The following FZR1 variants were observed in gnomAD, a reference collection of about 807,000 sequenced individuals.
FZR1 encodes the protein fizzy and cell division cycle 20 related 1, also known as fizzy-related protein homolog.
A neutral mutation model predicts 63.6 loss-of-function variants in FZR1; 11 were observed. The observed-to-expected ratio is 0.17, with a 90% CI of 0.11 to 0.29. FZR1 has a LOEUF of 0.29. FZR1 is among the 10% of genes least tolerant of loss of function. The pLI is 1.00. For missense variants in FZR1, 440 were observed against 687.5 expected, an observed-to-expected ratio of 0.64 and a Z score of 4.03; for synonymous variants, 328 against 297.9, an observed-to-expected ratio of 1.10 and a Z score of -1.04.
chr19:3,521,084 C>T (rs1365125453), intron 1 of FZR1, among the ~76,000 whole-genome samples: 1 of 152,168 alleles, frequency 6.6e-6, no homozygotes, highest in Non-Finnish European at 1.5e-5. Context: ...TGTGGAGGGC[C>T]GCGCTGGTTC....
intron 1 of FZR1, among the ~76,000 whole-genome samples, chr19:3,512,131 G>A (rs1233675086): frequency 6.6e-6 from 1 of 152,222 alleles, no homozygotes; most frequent in African/African-American, 2.4e-5. Flanking sequence ...TGGACAGGAG[G>A]TCACTGGGGC....
intron 7 of FZR1, among the ~76,000 whole-genome samples, chr19:3,528,234 G>T (rs981676051): frequency 6.6e-6 from 1 of 152,266 alleles, no homozygotes; most frequent in African/African-American, 2.4e-5. Context: ...GCCTCTGGGC[G>T]CATGGAGCCT....
intron 1 of FZR1, among the ~76,000 whole-genome samples, chr19:3,512,072 C>T (rs930198341): frequency 7.2e-5 from 11 of 152,350 alleles, no homozygotes; most frequent in African/African-American, 1.9e-4. Flanking sequence ...CCTCCCTCCT[C>T]TCTGAGACTG....
intron 1 of FZR1, among the ~76,000 whole-genome samples, chr19:3,513,749 C>T (rs2083039414): frequency 6.6e-6 from 1 of 152,134 alleles, no homozygotes; most frequent in South Asian, 2.1e-4. Context: ...GCTCCACGTC[C>T]CCTGTGGGTA....
intron 6 of FZR1, 82 bp from the exon 7 acceptor site, chr19:3,527,549 A>G: frequency 9.0e-7 from 1 of 1,110,928 alleles, no homozygotes; most frequent in Non-Finnish European, 1.3e-6. Flanking sequence ...TGGGGCTGGC[A>G]GGGAAGGAGA....
At position 3,536,331 on chromosome 19, in the gene FZR1, A is replaced by C. The variant is rs1465824538; in HGVS notation, c.*1495A>C. 6.6e-6 allele frequency: 1 copy of C among 151,978 alleles called. No individual in the cohort carries two copies. Among genetic ancestry groups the C allele is most frequent in the East Asian group, 1.9e-4 (1 of 5,156 alleles). 9.4% of individuals were successfully genotyped at this position (151,978 alleles called of 1,614,324 possible). On this transcript the variant is annotated 3_prime_UTR_variant, in exon 14 of 14. Coordinates refer to ENST00000441788, the MANE Select transcript of FZR1 (RefSeq NM_016263.4). ...CATTTCAAGCGGGTCGATCTTCCACATTCACTGGAGAGACTCTCCCCACCT... is the reference window on the plus strand; with the variant it reads ...CATTTCAAGCGGGTCGATCTTCCACCTTCACTGGAGAGACTCTCCCCACCT...
intron 1 of FZR1, among the ~76,000 whole-genome samples, chr19:3,512,685 A>T (rs2083032150): frequency 6.6e-6 from 1 of 152,124 alleles, no homozygotes; most frequent in African/African-American, 2.4e-5. Context: ...TGGGGGGCTC[A>T]CGTGCTCTGA....
Position 3,533,556 on chromosome 19 carries a change from G to A in FZR1, c.1347+158G>A. ...GGGGCCGGCAGGGCATCTGGTGCTG[G>A]TTGTGTTGCCAGCGTTGGAATGGGC... is the stretch of plus-strand genomic sequence containing the variant. On this transcript the variant is annotated intron_variant, in intron 12 of 13. Coordinates refer to ENST00000441788, the MANE Select transcript of FZR1 (RefSeq NM_016263.4). This position sits in a 1 kb window ranked among gnomAD's most constrained non-coding sequence, Gnocchi z 4.9. The A allele has an allele frequency of 1.7e-6, 1 of 603,822 alleles. No individual in the cohort carries two copies. The highest frequency in any genetic ancestry group is 3.0e-6 in the Non-Finnish European group (1 of 334,420). 37.4% of individuals were successfully genotyped at this position (603,822 alleles called of 1,614,324 possible). A position where few individuals can be genotyped will look rare whatever the true frequency, so the allele number is the denominator to read the frequency against.
intron 1 of FZR1, among the ~76,000 whole-genome samples, chr19:3,507,804 C>T (rs776111731): frequency 1.3e-5 from 2 of 152,208 alleles, no homozygotes; most frequent in Non-Finnish European, 2.9e-5. Flanking sequence ...ATGCGGAATT[C>T]CGCGTGGGCC....
rs2083168047 is a variant in FZR1, at chr19:3,527,121, G to A, written c.470+59G>A. 3.7e-6 allele frequency: 5 copies of A among 1,361,246 alleles called. No individual in the cohort carries two copies. The South Asian group carries it at 4.6e-5, about 13-fold the overall frequency. 84.3% of individuals were successfully genotyped at this position (1,361,246 alleles called of 1,614,324 possible). A position where few individuals can be genotyped will look rare whatever the true frequency, so the allele number is the denominator to read the frequency against. On this transcript the variant is annotated intron_variant, in intron 6 of 13. Transcript: ENST00000441788. ...TCCCTGTCTCCCGTCAGCAGCAAGA[G>A]GTGGGTCCCAGCTTCCTCCGCAGCC...
intron 1 of FZR1, among the ~76,000 whole-genome samples, chr19:3,513,454 G>A (rs2083037690): frequency 6.6e-6 from 1 of 152,218 alleles, no homozygotes; most frequent in African/African-American, 2.4e-5. Context: ...ACCCAGACTG[G>A]CTGGATTCAC....
intron 11 of FZR1, 122 bp downstream of exon 11, chr19:3,532,772 C>A: frequency 2.8e-6 from 2 of 712,252 alleles, no homozygotes; most frequent in South Asian, 1.6e-5. Context: ...GGGAGATGGG[C>A]GAGGGAGGCC....
In FZR1 at chr19:3,531,847, C is replaced by T. The variant is rs376840969; in HGVS notation, c.823+31C>T. 6.3e-4 allele frequency: 971 copies of T among 1,549,428 alleles called. 3 individuals are homozygous for T. Among genetic ancestry groups the T allele is most frequent in the African/African-American group, 5.9e-3 (431 of 73,264 alleles). On this transcript the variant is annotated intron_variant, in intron 9 of 13. Transcript: ENST00000441788. ...GAGCCCGGGTCCCATGGCTGGTGAG[C>T]TCCCTGAGGCCCCAGCTCCGCGAGG...
chr19:3,535,932 C>A lies in FZR1; in HGVS notation c.*1096C>A, dbSNP rs116845259. 833 of 152,528 alleles carry A rather than the reference C, an allele frequency of 5.5e-3. 7 individuals are homozygous for A. The highest frequency in any genetic ancestry group is 6.9e-3 in the Non-Finnish European group (471 of 68,168). 9.4% of individuals were successfully genotyped at this position (152,528 alleles called of 1,614,324 possible). A position where few individuals can be genotyped will look rare whatever the true frequency, so the allele number is the denominator to read the frequency against. On this transcript the variant is annotated 3_prime_UTR_variant, in exon 14 of 14. Transcript: ENST00000441788. ...TGCTTCTCTGTCTCATGCTCCCAGG[C>A]TGCACAGCAGGCAGGGAGGGAGGCA...
chr19:3,534,376 C>A (rs750071174), intron 12 of FZR1, 45 bp from the exon 13 acceptor site: 4 of 1,092,946 alleles, frequency 3.7e-6, no homozygotes, highest in South Asian at 2.6e-5. Context: ...TGTCCCGAGG[C>A]ACCTAGAGGC....
chr19:3,533,824 GAAA>G lies in FZR1; in HGVS notation c.1347+429_1347+431del, dbSNP rs763917615. Reference sequence around the variant, plus strand: ...CTTGCCAAGATTTTGTTTCTTCCCTGAAAAACATGTTCTGTGCTTTCATCCGCG... The same window carrying G: ...CTTGCCAAGATTTTGTTTCTTCCCTGAACATGTTCTGTGCTTTCATCCGCG... On this transcript the variant is annotated intron_variant, in intron 12 of 13. Transcript: ENST00000441788. This position sits in a 1 kb window ranked among gnomAD's most constrained non-coding sequence, Gnocchi z 4.9. 1.6e-5 allele frequency: 3 copies of G among 184,418 alleles called. No individual in the cohort carries two copies. Among genetic ancestry groups the G allele is most frequent in the Admixed American group, 5.8e-5 (1 of 17,158 alleles). 11.4% of individuals were successfully genotyped at this position (184,418 alleles called of 1,614,324 possible).
chr19:3,536,184 T>C lies in FZR1; in HGVS notation c.*1348T>C, dbSNP rs2029958336. The C allele has an allele frequency of 6.6e-6, 1 of 152,312 alleles. No individual in the cohort carries two copies. The highest frequency in any genetic ancestry group is 2.4e-5 in the African/African-American group (1 of 41,458). The allele number at this position is 152,312 out of a possible 1,614,324, so 9.4% of individuals were successfully genotyped here. A position where few individuals can be genotyped will look rare whatever the true frequency, so the allele number is the denominator to read the frequency against. ...GCATGTGTACATATGTATTTGTGAC[T>C]TTTCTTTGGATTTGTTTTGTGTTTT... is the stretch of plus-strand genomic sequence containing the variant. On this transcript the variant is annotated 3_prime_UTR_variant, in exon 14 of 14. Coordinates refer to ENST00000441788, the MANE Select transcript of FZR1 (RefSeq NM_016263.4).
At chr19:3,531,074 G>T (rs1409767248) in intron 8 of FZR1, among the ~76,000 whole-genome samples, 2 of 152,134 alleles carry the variant, frequency 1.3e-5, no homozygotes, top group African/African-American at 2.4e-5. Flanking sequence ...AAGGATGGCA[G>T]GTCCAGTGGG....
At chr19:3,534,563 A>AGGGTCGTCCCTGTCCCC (rs1399822178) in intron 13 of FZR1, 50 bp downstream of exon 13, 2 of 1,294,452 alleles carry the variant, frequency 1.5e-6, no homozygotes, top group African/African-American at 1.4e-5. Flanking sequence ...AGCCTGTCCC[A>AGGGTCGTCCCTGTCCCC]GGGTCGTCCC....
Sources: allele counts gnomAD v4.1 joint callset (sites outside exome capture counted in the v4.1 genomes callset), GRCh38; gene constraint gnomAD v4.1.1; non-coding constraint Gnocchi (gnomAD v3.1); transcripts MANE v1.5; gene names NCBI Gene and HGNC (gene_info 2026-07-23, HGNC 2026-07-21).